Variants in SEMA7A observed in about 807,000 individuals in gnomAD.
SEMA7A encodes the protein semaphorin-7A.
Under a neutral mutation model 67.5 loss-of-function variants are expected in SEMA7A, and 21 were observed. That is an observed-to-expected ratio of 0.31 (90% CI 0.22 to 0.45). The LOEUF is 0.45. Ranked by LOEUF, SEMA7A falls within the 20% of genes least tolerant of loss-of-function variation. The pLI is 1.00. For missense variants in SEMA7A, 774 were observed against 908.6 expected, an observed-to-expected ratio of 0.85 and a Z score of 1.90; for synonymous variants, 364 against 368.5, an observed-to-expected ratio of 0.99 and a Z score of 0.14.
chr15:74,415,763 C>T (rs144991810), intron 8 of SEMA7A, 38 bp downstream of exon 8: 5 of 1,573,132 alleles, frequency 3.2e-6, no homozygotes, highest in East Asian at 2.3e-5. Context: ...GGACACTGAA[C>T]CAATGCCAGC....
At chr15:74,418,442 T>C (rs1473489036) in intron 2 of SEMA7A, 133 bp from the exon 3 acceptor site, 2 of 865,378 alleles carry the variant, frequency 2.3e-6, no homozygotes, top group African/African-American at 3.5e-5. Context: ...CAACTGGGGC[T>C]CTGAGAGGGT....
At chr15:74,431,017 G>A (rs1460499511) in intron 1 of SEMA7A, among the ~76,000 whole-genome samples, 1 of 152,186 alleles carries the variant, frequency 6.6e-6, no homozygotes, top group East Asian at 1.9e-4. Context: ...CTCTGACCTT[G>A]GGGTTCCAAG....
At chr15:74,418,690 G>T in intron 2 of SEMA7A, 111 bp downstream of exon 2, 3 of 1,201,526 alleles carry the variant, frequency 2.5e-6, no homozygotes, top group Non-Finnish European at 2.4e-6. Flanking sequence ...TACGGAGGTG[G>T]GGGCAGTTTA....
chr15:74,419,095 T>A, intron 1 of SEMA7A, 143 bp from the exon 2 acceptor site: 1 of 922,288 alleles, frequency 1.1e-6, no homozygotes, highest in Non-Finnish European at 1.6e-6. Context: ...GCTGGGGTGG[T>A]ACCCAGACTC....
In SEMA7A at chr15:74,411,924, G is replaced by A. The variant is rs561921915; in HGVS notation, c.1383C>T (p.Arg461=). ...FNIMEIQPFR[R]AAAIQTMSLD... ...GCGACATGGTCTGGATGGCAGCCGC[G>A]CGGCGGAAGGGCTGGATCTCCATGA... is the stretch of plus-strand genomic sequence containing the variant. Residue 461 remains arginine, a synonymous_variant, in exon 11 of 14, where the codon CGC becomes CGT. Coordinates refer to ENST00000261918, the MANE Select transcript of SEMA7A (RefSeq NM_003612.5). The surrounding 1 kb of genome is among the most constrained non-coding windows in gnomAD (Gnocchi z 4.4). 1.3e-5 allele frequency: 21 copies of A among 1,613,942 alleles called. No homozygotes were observed. In the African/African-American group the frequency reaches 1.5e-4, roughly 11 times the overall value.
chr15:74,416,474 T>G, intron 7 of SEMA7A, 101 bp downstream of exon 7: 1 of 1,288,918 alleles, frequency 7.8e-7, no homozygotes, highest in South Asian at 1.4e-5. Flanking sequence ...CACTCATACA[T>G]CCACACAACT....
chr15:74,416,477 A>T, intron 7 of SEMA7A, 98 bp downstream of exon 7: 1 of 1,340,988 alleles, frequency 7.5e-7, no homozygotes, highest in Non-Finnish European at 1.0e-6. Context: ...TCATACATCC[A>T]CACAACTTCT....
At chr15:74,412,554 T>A (rs1364793112) in intron 10 of SEMA7A, among the ~76,000 whole-genome samples, 1 of 152,114 alleles carries the variant, frequency 6.6e-6, no homozygotes, top group African/African-American at 2.4e-5. Context: ...TTACTTTAAA[T>A]ACATTTTTTT....
rs1442388212 is a variant in SEMA7A, at chr15:74,410,038, G to A, written c.*586C>T. 3.3e-5 allele frequency: 5 copies of A among 149,480 alleles called. No individual in the cohort carries two copies. Among genetic ancestry groups the A allele is most frequent in the East Asian group, 2.0e-4 (1 of 4,970 alleles). 9.3% of individuals were successfully genotyped at this position (149,480 alleles called of 1,614,324 possible). A position where few individuals can be genotyped will look rare whatever the true frequency, so the allele number is the denominator to read the frequency against. On this transcript the variant is annotated 3_prime_UTR_variant, in exon 14 of 14. Coordinates refer to ENST00000261918, the MANE Select transcript of SEMA7A (RefSeq NM_003612.5). The surrounding 1 kb of genome is among the most constrained non-coding windows in gnomAD (Gnocchi z 7.5). ...CTAACATAAAAATAGAGCTTTTTCC[G>A]TCCTTCCGTCCGGAAAGCAAACATC... is the stretch of plus-strand genomic sequence containing the variant.
intron 1 of SEMA7A, 98 bp from the exon 2 acceptor site, chr15:74,419,050 C>T: frequency 2.9e-6 from 4 of 1,390,054 alleles, no homozygotes; most frequent in Non-Finnish European, 3.9e-6. Flanking sequence ...GTGCTTGGTG[C>T]TCAGGGTCCT....
chr15:74,416,897 C>T (rs1318513812), intron 6 of SEMA7A, among the ~76,000 whole-genome samples, 183 bp from the exon 7 acceptor site: 1 of 152,208 alleles, frequency 6.6e-6, no homozygotes, highest in Non-Finnish European at 1.5e-5. Flanking sequence ...CTCCACCCCA[C>T]ACCTGTTTTG....
At position 74,417,328 on chromosome 15, in the gene SEMA7A, G is replaced by T; in HGVS notation, c.661+7C>A. On this transcript the variant is annotated splice_region_variant and intron_variant, in intron 6 of 13. Coordinates refer to ENST00000261918, the MANE Select transcript of SEMA7A (RefSeq NM_003612.5). ...CCCACCCTCAGCCCAGCCGGAGCCT[G>T]ACTCACTCTGCATGACAGTATCACT... 6.2e-7 allele frequency: 1 copy of T among 1,610,262 alleles called. No homozygotes were observed. The highest frequency in any genetic ancestry group is 8.5e-7 in the Non-Finnish European group (1 of 1,176,870).
Position 74,410,438 on chromosome 15 carries a change from T to C in SEMA7A, c.*186A>G. The C allele has an allele frequency of 1.3e-6, 1 of 773,716 alleles. No homozygotes were observed. Among genetic ancestry groups the C allele is most frequent in the Non-Finnish European group, 2.0e-6 (1 of 498,988 alleles). 47.9% of individuals were successfully genotyped at this position (773,716 alleles called of 1,614,324 possible). A position where few individuals can be genotyped will look rare whatever the true frequency, so the allele number is the denominator to read the frequency against. ...CTCATTCTCAGCCCCTCACCATCCG[T>C]GCGCCACCTGGGGCCCAGCAGCCGC... On this transcript the variant is annotated 3_prime_UTR_variant, in exon 14 of 14. Transcript: ENST00000261918. This position sits in a 1 kb window ranked among gnomAD's most constrained non-coding sequence, Gnocchi z 7.5.
rs374539349 is a variant in SEMA7A at position 74,410,879 on chromosome 15, G to T, written c.1746C>A (p.Asn582Lys). 1 of 1,614,076 alleles carries T rather than the reference G, an allele frequency of 6.2e-7. No homozygotes were observed. The highest frequency in any genetic ancestry group is 8.5e-7 in the Non-Finnish European group (1 of 1,180,050). ...GACCAGGTTCGCAGCTCTGCTCCAC[G>T]TTCTCCTTGTGGCGCCATGAGTAGG... is the stretch of plus-strand genomic sequence containing the variant. ...HATYSWRHKE[N>K]VEQSCEPGHQ... The change falls in exon 14 of 14, where the codon AAC (asparagine) becomes AAA (lysine). Residue 582 changes from asparagine to lysine, a missense_variant. Physicochemically the swap from Asn to Lys is moderately conservative, Grantham distance 94. Coordinates refer to ENST00000261918, the MANE Select transcript of SEMA7A (RefSeq NM_003612.5). The surrounding 1 kb of genome is among the most constrained non-coding windows in gnomAD (Gnocchi z 7.5).
chr15:74,419,609 AG>A (rs1375557962), intron 1 of SEMA7A, among the ~76,000 whole-genome samples: 1 of 152,174 alleles, frequency 6.6e-6, no homozygotes, highest in East Asian at 1.9e-4. Flanking sequence ...AGGCCAAGGG[AG>A]GGGCAGCCCA....
chr15:74,414,934 G>A lies in SEMA7A; in HGVS notation c.999C>T (p.Ala333=), dbSNP rs150883607. ...GVFSNPWNYS[A]VCVYSLGDID... is the part of the protein sequence containing the mutation. ...TGTCACCGAGGGAATACACACAGAC[G>A]GCTGAGTAGTTCCTGCAGTGACATG... Residue 333 remains alanine (A), a synonymous_variant, in exon 9 of 14, where the codon GCC becomes GCT. Transcript: ENST00000261918. This position sits in a 1 kb window ranked among gnomAD's most constrained non-coding sequence, Gnocchi z 4.1. 181 of 1,613,998 alleles carry A rather than the reference G, an allele frequency of 1.1e-4. 1 individual carries two copies. In the African/African-American group the frequency reaches 1.6e-3, roughly 14 times the overall value.
rs989707959 is a variant in SEMA7A at position 74,411,091 on chromosome 15, C to T, written c.1640-106G>A. 5 of 1,490,868 alleles carry T rather than the reference C, an allele frequency of 3.4e-6. No individual in the cohort carries two copies. Among genetic ancestry groups the T allele is most frequent in the Admixed American group, 2.1e-5 (1 of 46,880 alleles). 92.4% of individuals were successfully genotyped at this position (1,490,868 alleles called of 1,614,324 possible). A position where few individuals can be genotyped will look rare whatever the true frequency, so the allele number is the denominator to read the frequency against. On this transcript the variant is annotated intron_variant, in intron 13 of 13. Coordinates refer to ENST00000261918, the MANE Select transcript of SEMA7A (RefSeq NM_003612.5). This position sits in a 1 kb window ranked among gnomAD's most constrained non-coding sequence, Gnocchi z 4.4. ...TCCCAGGACAAGGCTTCTGAATGAA[C>T]GTGGGGAACCCAGCCCTCAGCGTCC...
intron 1 of SEMA7A, 182 bp downstream of exon 1, chr15:74,433,557 GGT>G (rs1313892625): frequency 8.2e-7 from 1 of 1,215,134 alleles, no homozygotes; most frequent in African/African-American, 1.6e-5. Context: ...AGCCGGCTCT[GGT>G]GTGCCAGCGT....
chr15:74,420,488 C>T (rs1395332043), intron 1 of SEMA7A, among the ~76,000 whole-genome samples: 4 of 152,168 alleles, frequency 2.6e-5, no homozygotes, highest in Non-Finnish European at 4.4e-5. Flanking sequence ...TCTCCTGGTG[C>T]ACATCACAAA....
Sources: gnomAD v4.1 joint callset for allele counts (sites outside exome capture counted in the v4.1 genomes callset) on GRCh38, gnomAD v4.1.1 for gene constraint, Gnocchi (gnomAD v3.1) non-coding constraint, MANE v1.5 for transcripts, NCBI Gene and HGNC (gene_info 2026-07-23, HGNC 2026-07-21) for gene names.